VPS8: variants seen among roughly 807,000 people sequenced by gnomAD.
VPS8 encodes VPS8 subunit of CORVET complex.
A neutral mutation model predicts 216.4 loss-of-function variants in VPS8; 129 were observed. That is an observed-to-expected ratio of 0.60 (90% CI 0.52 to 0.69). VPS8 has a LOEUF of 0.69. Among genes scored for constraint, VPS8 ranks in the 30% least tolerant of loss-of-function variants. VPS8 has a pLI of 0.00. For missense variants in VPS8, 1,531 were observed against 1,683.5 expected (o/e 0.91, Z 1.59); for synonymous variants, 571 against 565.4 (o/e 1.01, Z -0.14).
chr3:184,812,237 C>G lies in VPS8; in HGVS notation c.-89+12C>G, dbSNP rs929715803. The G allele has an allele frequency of 6.6e-6, 1 of 152,368 alleles. No individual in the cohort carries two copies. The highest frequency in any genetic ancestry group is 2.4e-5 in the African/African-American group (1 of 41,452). 9.4% of individuals were successfully genotyped at this position (152,368 alleles called of 1,614,324 possible). A position where few individuals can be genotyped will look rare whatever the true frequency, so the allele number is the denominator to read the frequency against. On this transcript the variant is annotated intron_variant, in intron 1 of 47. Coordinates refer to ENST00000625842, the MANE Select transcript of VPS8 (RefSeq NM_001009921.3). ...GGCAGCAAGCTCAGGTAACGAGTTTCCAGAGAGCGGGCCCGTGGAAGGAGA... is the reference window on the plus strand; with the variant it reads ...GGCAGCAAGCTCAGGTAACGAGTTTGCAGAGAGCGGGCCCGTGGAAGGAGA...
intron 22 of VPS8, among the ~76,000 whole-genome samples, chr3:184,887,456 G>A (rs991039777): frequency 1.3e-5 from 2 of 149,790 alleles, no homozygotes; most frequent in African/African-American, 4.9e-5. Context: ...TGTTCTAAAC[G>A]CTTTACATTA....
intron 38 of VPS8, among the ~76,000 whole-genome samples, chr3:184,964,841 A>G (rs1408164350): frequency 6.6e-6 from 1 of 152,188 alleles, no homozygotes; most frequent in Non-Finnish European, 1.5e-5. Context: ...TTCCTCCTTC[A>G]GGGGACACCT....
At chr3:184,822,223 C>T (rs929361202) in intron 1 of VPS8, among the ~76,000 whole-genome samples, 1 of 152,146 alleles carries the variant, frequency 6.6e-6, no homozygotes, top group African/African-American at 2.4e-5. Context: ...GCCACAACAG[C>T]AGACCTAATA....
At chr3:184,870,826 C>T (rs373656234) in intron 21 of VPS8, 21 bp downstream of exon 21, 9 of 1,592,084 alleles carry the variant, frequency 5.7e-6, no homozygotes, top group African/African-American at 2.7e-5. Flanking sequence ...CATGTGCTTC[C>T]AGTAGACGAT....
intron 29 of VPS8, among the ~76,000 whole-genome samples, chr3:184,922,056 C>G (rs1013487549): frequency 6.6e-6 from 1 of 152,132 alleles, no homozygotes; most frequent in African/African-American, 2.4e-5. Flanking sequence ...GTATTAGGAC[C>G]CTCAACCATA....
rs927130838 is a variant in VPS8, at chr3:184,893,313, C to G, written c.1782-1390C>G. The G allele has an allele frequency of 6.5e-5, 84 of 1,284,470 alleles. 1 individual carries two copies. The highest frequency in any genetic ancestry group is 4.3e-4 in the Middle Eastern group (2 of 4,704). The allele number at this position is 1,284,470 out of a possible 1,614,324, so 79.6% of individuals were successfully genotyped here. ...TTTTGTGGAACTTGTCATGAAAGACCATACCTGTGAATAAATAAACCATTT... is the reference window on the plus strand; with the variant it reads ...TTTTGTGGAACTTGTCATGAAAGACGATACCTGTGAATAAATAAACCATTT... On this transcript the variant is annotated intron_variant, in intron 22 of 47. Transcript: ENST00000625842.
intron 21 of VPS8, among the ~76,000 whole-genome samples, chr3:184,873,109 T>C (rs1186403767): frequency 6.6e-6 from 1 of 152,140 alleles, no homozygotes; most frequent in Non-Finnish European, 1.5e-5. Context: ...CTATGTAAAG[T>C]ATGTGACATG....
At chr3:184,878,256 G>A (rs1228725351) in intron 21 of VPS8, among the ~76,000 whole-genome samples, 1 of 151,888 alleles carries the variant, frequency 6.6e-6, no homozygotes, top group Admixed American at 6.6e-5. Flanking sequence ...GATTACAGGT[G>A]CCCGCCACCA....
chr3:184,864,984 A>T (rs932424519), intron 16 of VPS8, among the ~76,000 whole-genome samples: 1 of 152,208 alleles, frequency 6.6e-6, no homozygotes, highest in Non-Finnish European at 1.5e-5. Flanking sequence ...AAGATATTTG[A>T]AAAGATGCAC....
rs1326494673 is a variant in VPS8, at chr3:184,853,946, A to T, written c.911A>T (p.Lys304Met). Residue 304 changes from lysine to methionine, a missense_variant, in exon 12 of 48, where the codon AAG becomes ATG. By Grantham distance (95) the Lys-to-Met change is moderately conservative. Transcript: ENST00000625842. ...TGCTGTATTGAGCCTCTGCATTCTA[A>T]GCCTGAGTTGAAAGATCATCCCATC... ...EVCCIEPLHS[K>M]PELKDHPITQ... 6.2e-7 allele frequency: 1 copy of T among 1,613,440 alleles called. No homozygotes were observed.
intron 40 of VPS8, among the ~76,000 whole-genome samples, chr3:184,981,522 C>T (rs1750210591): frequency 6.6e-6 from 1 of 150,658 alleles, no homozygotes; most frequent in Non-Finnish European, 1.5e-5. Context: ...CAACCTCCGC[C>T]TCCCAGGTAC....
At chr3:184,947,869 G>C (rs969668057) in intron 36 of VPS8, among the ~76,000 whole-genome samples, 13 of 152,180 alleles carry the variant, frequency 8.5e-5, no homozygotes, top group African/African-American at 2.9e-4. Flanking sequence ...AGCTTGCAGG[G>C]CTTCAGGGAA....
intron 39 of VPS8, among the ~76,000 whole-genome samples, chr3:184,970,602 A>G (rs1295038593): frequency 6.6e-6 from 1 of 152,230 alleles, no homozygotes; most frequent in Non-Finnish European, 1.5e-5. Context: ...ATCAGCGAGT[A>G]AAAAAGAATA....
At chr3:184,864,769 A>G (rs1021330935) in intron 16 of VPS8, among the ~76,000 whole-genome samples, 1 of 152,230 alleles carries the variant, frequency 6.6e-6, no homozygotes. Flanking sequence ...GGAATACAGA[A>G]AGATCCAGAA....
chr3:184,874,323 G>T (rs759913653), intron 21 of VPS8, among the ~76,000 whole-genome samples: 1 of 152,052 alleles, frequency 6.6e-6, no homozygotes, highest in East Asian at 1.9e-4. Flanking sequence ...AAATAGATTT[G>T]CAGCTAGATA....
At chr3:184,925,301 AG>A in intron 30 of VPS8, among the ~76,000 whole-genome samples, 1 of 152,218 alleles carries the variant, frequency 6.6e-6, no homozygotes, top group Non-Finnish European at 1.5e-5. Context: ...CATCACCTGG[AG>A]AAAAGATTAC....
chr3:184,874,410 A>G (rs1728880048), intron 21 of VPS8, among the ~76,000 whole-genome samples: 1 of 152,164 alleles, frequency 6.6e-6, no homozygotes, highest in Non-Finnish European at 1.5e-5. Context: ...CCAAGTTTTT[A>G]TCATTGATTT....
At chr3:184,915,746 G>A (rs770442994) in intron 28 of VPS8, among the ~76,000 whole-genome samples, 5 of 152,118 alleles carry the variant, frequency 3.3e-5, no homozygotes, top group African/African-American at 4.8e-5. Context: ...GAGCCGGAGG[G>A]TGCAGTGAGC....
intron 46 of VPS8, among the ~76,000 whole-genome samples, chr3:185,042,766 T>A (rs1362468572): frequency 6.6e-6 from 1 of 152,230 alleles, no homozygotes; most frequent in Non-Finnish European, 1.5e-5. Context: ...ATTCAAACTG[T>A]ATTCTACATT....
Sources: allele counts gnomAD v4.1 joint callset (sites outside exome capture counted in the v4.1 genomes callset), GRCh38; gene constraint gnomAD v4.1.1; transcripts MANE v1.5; gene names NCBI Gene and HGNC (gene_info 2026-07-23, HGNC 2026-07-21).